Variants in MIOS observed in about 807,000 individuals in gnomAD.
MIOS encodes meiosis regulator for oocyte development, also known as GATOR2 complex protein MIOS.
Under a neutral mutation model 96.9 loss-of-function variants are expected in MIOS, and 52 were observed. That is an observed-to-expected ratio of 0.54 (90% confidence interval 0.43 to 0.68). The LOEUF (loss-of-function observed/expected upper bound fraction) is 0.68. Ranked by LOEUF, MIOS falls within the 30% of genes least tolerant of loss-of-function variation. The probability of loss-of-function intolerance (pLI) is 0.00; values close to 1 mark genes in which losing one functional copy is unlikely to be tolerated. For missense variants in MIOS, 1,005 were observed against 1,052.8 expected (o/e 0.95, Z 0.63); for synonymous variants, 397 against 359.5 (o/e 1.10, Z -1.18).
chr7:7,605,329 C>G (rs1330082779), intron 11 of MIOS: 1 of 148,628 alleles, frequency 6.7e-6, no homozygotes, highest in African/African-American at 2.5e-5. Context: ...AAGTCTTGCT[C>G]CATCACCCAG....
intron 5 of MIOS, among the ~76,000 whole-genome samples, chr7:7,582,162 A>AAT (rs1783751761): frequency 6.6e-6 from 1 of 152,192 alleles, no homozygotes; most frequent in African/African-American, 2.4e-5. Flanking sequence ...TAAATATATA[A>AAT]ATATATAATT....
Position 7,583,171 on chromosome 7 carries a change from A to G in MIOS, c.1447A>G (p.Ile483Val). ...NWSGLDKQSD[I>V]QNLNEERILA... is the part of the protein sequence containing the mutation. Reference sequence around the variant, plus strand: ...GAGTGGGTTGGATAAGCAAAGTGATATTCAAAATTTAAATGAAGAGAGAAT... The same window carrying G: ...GAGTGGGTTGGATAAGCAAAGTGATGTTCAAAATTTAAATGAAGAGAGAAT... Residue 483 changes from isoleucine (I) to valine (V), a missense_variant, in exon 6 of 13, where the codon ATT becomes GTT. Ile to Val is a conservative substitution (Grantham distance 29). Transcript: ENST00000340080. 6.2e-7 allele frequency: 1 copy of G among 1,614,176 alleles called. No homozygotes were observed. The highest frequency in any genetic ancestry group is 8.5e-7 in the Non-Finnish European group (1 of 1,179,996).
In MIOS at chr7:7,591,704, A is replaced by G. The variant is rs186169461; in HGVS notation, c.2043+2141A>G. ...TTCCAAGATTTTTCCTTTACCTTTG[A>G]TTTTTCAGTAGTATGACCTTAATGT... On this transcript the variant is annotated intron_variant, in intron 9 of 12. Coordinates refer to ENST00000340080, the MANE Select transcript of MIOS (RefSeq NM_019005.4). Among the ~76,000 whole-genome samples, 341 of 151,682 alleles carry G rather than the reference A, an allele frequency of 2.2e-3. 2 individuals carry two copies. The highest frequency in any genetic ancestry group is 7.8e-3 in the African/African-American group (322 of 41,330).
rs2051912 is a variant in MIOS at position 7,608,083 on chromosome 7, G to A, written c.*991G>A. On this transcript the variant is annotated 3_prime_UTR_variant, in exon 13 of 13. Coordinates refer to ENST00000340080, the MANE Select transcript of MIOS (RefSeq NM_019005.4). ...GTAGACTAGGAAGTGTTGGGGAAATGGGGTCACTTCAGAGACCATTTTAGA... is the reference window on the plus strand; with the variant it reads ...GTAGACTAGGAAGTGTTGGGGAAATAGGGTCACTTCAGAGACCATTTTAGA... 0.98 allele frequency: 148,843 copies of A among 152,190 alleles called. 72,789 individuals are homozygous for A. Among genetic ancestry groups the A allele is most frequent in the East Asian group, 1 (5,182 of 5,184 alleles). 9.4% of individuals were successfully genotyped at this position (152,190 alleles called of 1,614,324 possible). A position where few individuals can be genotyped will look rare whatever the true frequency, so the allele number is the denominator to read the frequency against.
intron 5 of MIOS, among the ~76,000 whole-genome samples, chr7:7,577,086 A>G (rs371091540): frequency 5.7e-4 from 87 of 152,334 alleles, no homozygotes; most frequent in African/African-American, 2.0e-3. Flanking sequence ...TCAGAAATAA[A>G]TGATATTTGA....
At chr7:7,588,294 G>A (rs1416780787) in intron 7 of MIOS, among the ~76,000 whole-genome samples, 2 of 151,998 alleles carry the variant, frequency 1.3e-5, no homozygotes, top group Non-Finnish European at 2.9e-5. Flanking sequence ...TACTTTGCAA[G>A]GACAAAACCT....
At position 7,568,095 on chromosome 7, in the gene MIOS, T is replaced by A. The variant is rs912676415; in HGVS notation, c.-69T>A. The A allele has an allele frequency of 6.6e-6, 1 of 152,232 alleles. No homozygotes were observed. 9.4% of individuals were successfully genotyped at this position (152,232 alleles called of 1,614,324 possible). A position where few individuals can be genotyped will look rare whatever the true frequency, so the allele number is the denominator to read the frequency against. On this transcript the variant is annotated 5_prime_UTR_variant, in exon 3 of 13. The change abolishes an upstream ATG in the 5' untranslated region. Transcript: ENST00000340080. ...CTTTCCTTTGCTGAGAAATCACTGA[T>A]GGGAAGTGAGACTTGTTAAACTTGA...
intron 11 of MIOS, 101 bp from the exon 12 acceptor site, chr7:7,605,841 G>T: frequency 1.7e-6 from 2 of 1,185,780 alleles, no homozygotes; most frequent in Non-Finnish European, 2.3e-6. Context: ...AATATGATGT[G>T]TGATTCATAT....
chr7:7,597,517 T>TATATATATATAAAAAG (rs372634070), intron 11 of MIOS, among the ~76,000 whole-genome samples: 1 of 70,428 alleles, frequency 1.4e-5, no homozygotes, highest in Non-Finnish European at 2.7e-5. Flanking sequence ...TATATATATA[T>TATATATATATAAAAAG]GAAGGCAATA....
intron 10 of MIOS, 28 bp from the exon 11 acceptor site, chr7:7,596,228 AT>A (rs764356570): frequency 3.6e-5 from 57 of 1,597,082 alleles, no homozygotes; most frequent in Admixed American, 1.7e-4. Flanking sequence ...TTTGCATTAC[AT>A]TTATTTTTTC....
Position 7,596,485 on chromosome 7 carries a change from CT to C in MIOS, c.2401+28del, listed in dbSNP as rs1563039705. 4.5e-6 allele frequency: 7 copies of C among 1,569,218 alleles called. No homozygotes were observed. In the South Asian group the frequency reaches 7.8e-5, roughly 17 times the overall value. ...TGGTATGACATAATTTTACAAAATA[CT>C]TTTATGAACTGAAATGATTCTTACA... On this transcript the variant is annotated intron_variant, in intron 11 of 12. Coordinates refer to ENST00000340080, the MANE Select transcript of MIOS (RefSeq NM_019005.4).
rs780163318 is a variant in MIOS, at chr7:7,572,247, G to A, written c.-40-189G>A. ...CCTACCAGCTCATTTTATTGGAAGTGGTTGTTCTTTCTCCTTTTTTTTCAA... is the reference window on the plus strand; with the variant it reads ...CCTACCAGCTCATTTTATTGGAAGTAGTTGTTCTTTCTCCTTTTTTTTCAA... On this transcript the variant is annotated intron_variant, in intron 3 of 12. Transcript: ENST00000340080. This position sits in a 1 kb window ranked among gnomAD's most constrained non-coding sequence, Gnocchi z 4.8. Among the ~76,000 whole-genome samples, 4 of 152,062 alleles carry A rather than the reference G, an allele frequency of 2.6e-5. No homozygotes were observed. The highest frequency in any genetic ancestry group is 5.9e-5 in the Non-Finnish European group (4 of 68,024).
chr7:7,588,197 G>C (rs1213985154), intron 7 of MIOS, among the ~76,000 whole-genome samples: 3 of 152,104 alleles, frequency 2.0e-5, no homozygotes, highest in African/African-American at 7.2e-5. Context: ...TTGATATACT[G>C]TGCATCATTG....
intron 12 of MIOS, 45 bp from the exon 13 acceptor site, chr7:7,606,951 C>G: frequency 7.5e-7 from 1 of 1,326,404 alleles, no homozygotes; most frequent in Non-Finnish European, 1.1e-6. Flanking sequence ...AAATGTATGT[C>G]TGTCTAATTT....
chr7:7,605,988 A>C lies in MIOS; in HGVS notation c.2448A>C (p.Lys816Asn), dbSNP rs199757377. 1 of 1,614,008 alleles carries C rather than the reference A, an allele frequency of 6.2e-7. No homozygotes were observed. The highest frequency in any genetic ancestry group is 8.5e-7 in the Non-Finnish European group (1 of 1,179,906). Residue 816 changes from lysine to asparagine, a missense_variant, in exon 12 of 13, where the codon AAA (lysine) becomes AAC (asparagine). Transcript: ENST00000340080. ...DEKVDLSKDK[K>N]LAQFNNWFTW... The stretch of plus-strand genomic sequence containing the variant: ...AAGTGGACTTGAGCAAGGACAAAAA[A>C]TTAGCCCAATTTAACAACTGGTTTA...
At chr7:7,588,654 A>G in intron 8 of MIOS, 91 bp downstream of exon 8, 1 of 679,294 alleles carries the variant, frequency 1.5e-6, no homozygotes, top group Non-Finnish European at 2.2e-6. Context: ...CATATGTATG[A>G]GATTGATAAG....
At chr7:7,580,466 C>T (rs151075695) in intron 5 of MIOS, among the ~76,000 whole-genome samples, 87 of 152,168 alleles carry the variant, frequency 5.7e-4, no homozygotes, top group African/African-American at 1.8e-3. Flanking sequence ...GTTAAAAATA[C>T]GTAACTTCAA....
At position 7,567,627 on chromosome 7, in the gene MIOS, T is replaced by C. The variant is rs1011790701; in HGVS notation, c.-200T>C. 6.6e-6 allele frequency: 1 copy of C among 152,218 alleles called. No homozygotes were observed. Among genetic ancestry groups the C allele is most frequent in the Non-Finnish European group, 1.5e-5 (1 of 68,038 alleles). The allele number at this position is 152,218 out of a possible 1,614,324, so 9.4% of individuals were successfully genotyped here. A position where few individuals can be genotyped will look rare whatever the true frequency, so the allele number is the denominator to read the frequency against. ...TTAAGGGAAATTTGGATATGTGCAG[T>C]GCATCTCCTCGAAGATGCTGATGGT... On this transcript the variant is annotated 5_prime_UTR_variant, in exon 2 of 13. Coordinates refer to ENST00000340080, the MANE Select transcript of MIOS (RefSeq NM_019005.4).
chr7:7,597,517 T>TATATATATATA (rs372634070), intron 11 of MIOS, among the ~76,000 whole-genome samples: 8 of 70,428 alleles, frequency 1.1e-4, no homozygotes, highest in Non-Finnish European at 1.6e-4. Context: ...TATATATATA[T>TATATATATATA]GAAGGCAATA....
Sources: gnomAD v4.1 joint callset for allele counts (sites outside exome capture counted in the v4.1 genomes callset) on GRCh38, gnomAD v4.1.1 for gene constraint, Gnocchi (gnomAD v3.1) non-coding constraint, MANE v1.5 for transcripts, NCBI Gene and HGNC (gene_info 2026-07-23, HGNC 2026-07-21) for gene names.